Variants in TAFA1 observed in about 807,000 individuals in gnomAD.
The protein encoded by TAFA1 is chemokine-like protein TAFA-1.
In TAFA1, 4 loss-of-function variants were observed where a neutral mutation model predicts 18.5. The observed-to-expected ratio is 0.22, with a 90% CI of 0.11 to 0.49. The LOEUF (loss-of-function observed/expected upper bound fraction) is 0.49. Ranked by LOEUF, TAFA1 falls within the 20% of genes least tolerant of loss-of-function variation. The pLI, the probability that TAFA1 is intolerant of heterozygous loss-of-function variation, is 0.98. For missense variants in TAFA1, 147 were observed against 169.0 expected, an observed-to-expected ratio of 0.87 and a Z score of 0.72; for synonymous variants, 56 against 55.2, an observed-to-expected ratio of 1.01 and a Z score of -0.06.
chr3:68,403,305 G>C (rs955140868), intron 2 of TAFA1, among the ~76,000 whole-genome samples: 1 of 152,170 alleles, frequency 6.6e-6, no homozygotes, highest in South Asian at 2.1e-4. Context: ...TGTATAGTAC[G>C]CTTTGTTAAG....
At chr3:68,031,595 A>G (rs1704936279) in intron 2 of TAFA1, among the ~76,000 whole-genome samples, 1 of 152,196 alleles carries the variant, frequency 6.6e-6, no homozygotes, top group Non-Finnish European at 1.5e-5. Context: ...GAAAATCGTC[A>G]TTTCCATTTG....
chr3:68,430,626 C>T (rs1029219182), intron 3 of TAFA1, among the ~76,000 whole-genome samples: 2 of 151,946 alleles, frequency 1.3e-5, no homozygotes, highest in Non-Finnish European at 2.9e-5. Context: ...AAGTGTCTGA[C>T]AACAGATTTC....
At chr3:68,406,117 T>A (rs2070601641) in intron 2 of TAFA1, among the ~76,000 whole-genome samples, 1 of 152,156 alleles carries the variant, frequency 6.6e-6, no homozygotes, top group African/African-American at 2.4e-5. Context: ...GTAACCAAAG[T>A]GATGTTAATT....
chr3:68,348,919 A>T (rs1025748099), intron 2 of TAFA1, among the ~76,000 whole-genome samples: 1 of 152,006 alleles, frequency 6.6e-6, no homozygotes, highest in South Asian at 2.1e-4. Context: ...AGCAAAATGA[A>T]TGGCTTTTAA....
intron 2 of TAFA1, among the ~76,000 whole-genome samples, chr3:68,182,442 A>T (rs2066215823): frequency 6.6e-6 from 1 of 152,312 alleles, no homozygotes; most frequent in Non-Finnish European, 1.5e-5. Context: ...ACATTTACAT[A>T]CAATGCAGTA....
At chr3:68,040,264 G>A (rs1398414179) in intron 2 of TAFA1, among the ~76,000 whole-genome samples, 2 of 152,080 alleles carry the variant, frequency 1.3e-5, no homozygotes, top group African/African-American at 2.4e-5. Context: ...CTGCTCCATC[G>A]TTCAGTCACT....
At chr3:68,322,427 C>T (rs558963610) in intron 2 of TAFA1, among the ~76,000 whole-genome samples, 1 of 152,302 alleles carries the variant, frequency 6.6e-6, no homozygotes, top group African/African-American at 2.4e-5. Flanking sequence ...AAGTATGTTA[C>T]TTAATTCTCA....
At chr3:68,405,174 T>C (rs2070574118) in intron 2 of TAFA1, among the ~76,000 whole-genome samples, 1 of 152,196 alleles carries the variant, frequency 6.6e-6, no homozygotes, top group African/African-American at 2.4e-5. Context: ...TCACCACCCA[T>C]GTTCGTTTTA....
chr3:68,401,579 G>A (rs1042314416), intron 2 of TAFA1, among the ~76,000 whole-genome samples: 2 of 152,196 alleles, frequency 1.3e-5, no homozygotes, highest in African/African-American at 4.8e-5. Context: ...ATGGTGTTTA[G>A]ATAGTGGCAA....
intron 2 of TAFA1, among the ~76,000 whole-genome samples, chr3:68,056,931 T>C (rs2064544054): frequency 6.6e-6 from 1 of 152,248 alleles, no homozygotes; most frequent in African/African-American, 2.4e-5. Context: ...CCCCTTGCAA[T>C]ACCCAGATCC....
intron 2 of TAFA1, among the ~76,000 whole-genome samples, chr3:68,248,783 C>A (rs2067135781): frequency 6.6e-6 from 1 of 151,040 alleles, no homozygotes; most frequent in African/African-American, 2.4e-5. Context: ...ATGAAGTTTG[C>A]CAGGTGCAGG....
intron 2 of TAFA1, among the ~76,000 whole-genome samples, chr3:68,286,263 T>A (rs1347961094): frequency 2.6e-5 from 4 of 151,926 alleles, no homozygotes; most frequent in African/African-American, 9.7e-5. Context: ...AAATTAAAAA[T>A]ATTTTTTTAA....
At chr3:68,240,859 C>T (rs774201850) in intron 2 of TAFA1, among the ~76,000 whole-genome samples, 1 of 152,154 alleles carries the variant, frequency 6.6e-6, no homozygotes, top group Non-Finnish European at 1.5e-5. Flanking sequence ...TTTTATCAGT[C>T]TAGGCTTTGC....
intron 3 of TAFA1, among the ~76,000 whole-genome samples, chr3:68,419,016 T>C (rs777727721): frequency 2.6e-5 from 4 of 152,194 alleles, no homozygotes; most frequent in Non-Finnish European, 5.9e-5. Context: ...AGAATGGTTT[T>C]AAGATGGCTT....
At chr3:68,402,559 A>G (rs999362920) in intron 2 of TAFA1, among the ~76,000 whole-genome samples, 4 of 152,148 alleles carry the variant, frequency 2.6e-5, no homozygotes, top group Non-Finnish European at 5.9e-5. Context: ...GACATCTACA[A>G]TGTGCAACAC....
chr3:68,119,536 A>C (rs757221464), intron 2 of TAFA1, among the ~76,000 whole-genome samples: 3 of 149,794 alleles, frequency 2.0e-5, no homozygotes, highest in Non-Finnish European at 4.5e-5. Context: ...CTTTTAATTA[A>C]TTTTTGTATA....
At chr3:68,514,945 A>G (rs1353142255) in intron 3 of TAFA1, among the ~76,000 whole-genome samples, 1 of 151,656 alleles carries the variant, frequency 6.6e-6, no homozygotes, top group Non-Finnish European at 1.5e-5. Context: ...GTTTGGCAGG[A>G]TGATTCTTCA....
At chr3:68,099,818 A>G (rs896803020) in intron 2 of TAFA1, among the ~76,000 whole-genome samples, 1 of 152,178 alleles carries the variant, frequency 6.6e-6, no homozygotes, top group East Asian at 1.9e-4. Flanking sequence ...ACACAGCCAT[A>G]AAAAAGAATG....
intron 2 of TAFA1, among the ~76,000 whole-genome samples, chr3:68,111,995 G>A (rs942795056): frequency 1.2e-4 from 18 of 152,102 alleles, no homozygotes; most frequent in Non-Finnish European, 1.6e-4. Context: ...GGTAATCAAC[G>A]TCTGCTGCCT....
Sources: gnomAD v4.1 joint callset for allele counts (sites outside exome capture counted in the v4.1 genomes callset) on GRCh38, gnomAD v4.1.1 for gene constraint, MANE v1.5 for transcripts, NCBI Gene and HGNC (gene_info 2026-07-23, HGNC 2026-07-21) for gene names.